FGF12: variants seen among roughly 807,000 people sequenced by gnomAD.
FGF12 encodes fibroblast growth factor 12B.
Under a neutral mutation model 23.6 loss-of-function variants are expected in FGF12, and 14 were observed. That is an observed-to-expected ratio of 0.59 (90% CI 0.39 to 0.93). FGF12 has a LOEUF of 0.93. FGF12 is among the 40% of genes least tolerant of loss of function. FGF12 has a pLI of 0.00. For synonymous variants in FGF12, 62 were observed against 77.3 expected, an observed-to-expected ratio of 0.80 and a Z score of 1.04; for missense variants, 175 against 217.8, an observed-to-expected ratio of 0.80 and a Z score of 1.24.
intron 2 of FGF12, among the ~76,000 whole-genome samples, chr3:192,454,888 C>T (rs910356092): frequency 6.6e-6 from 1 of 152,168 alleles, no homozygotes; most frequent in African/African-American, 2.4e-5. Context: ...ACGGACATTA[C>T]AAGGCTCAAC....
At chr3:192,482,355 C>T (rs925047489) in intron 2 of FGF12, among the ~76,000 whole-genome samples, 8 of 152,010 alleles carry the variant, frequency 5.3e-5, no homozygotes, top group South Asian at 2.1e-4. Context: ...CAGTATGAGC[C>T]GGACGTGGTG....
intron 2 of FGF12, among the ~76,000 whole-genome samples, chr3:192,402,309 C>T (rs1434006918): frequency 6.6e-6 from 1 of 152,218 alleles, no homozygotes; most frequent in Non-Finnish European, 1.5e-5. Flanking sequence ...AGGCTCCCGG[C>T]ATTCAGGCAG....
At chr3:192,507,048 C>T (rs949857179) in intron 2 of FGF12, among the ~76,000 whole-genome samples, 2 of 151,882 alleles carry the variant, frequency 1.3e-5, no homozygotes, top group African/African-American at 4.8e-5. Flanking sequence ...CCTGCCACCA[C>T]GCCCGGCTAA....
chr3:192,209,502 G>T (rs1717822740), intron 4 of FGF12, among the ~76,000 whole-genome samples: 1 of 152,092 alleles, frequency 6.6e-6, no homozygotes, highest in Non-Finnish European at 1.5e-5. Context: ...GCTGACACAG[G>T]TTATATCAAA....
chr3:192,569,915 A>T (rs1712515205), intron 2 of FGF12, among the ~76,000 whole-genome samples: 1 of 152,230 alleles, frequency 6.6e-6, no homozygotes, highest in South Asian at 2.1e-4. Context: ...GAAGAACAGG[A>T]CTAAGGATGT....
At chr3:192,544,321 T>C (rs762226200) in intron 2 of FGF12, among the ~76,000 whole-genome samples, 1 of 152,166 alleles carries the variant, frequency 6.6e-6, no homozygotes, top group African/African-American at 2.4e-5. Flanking sequence ...CTTTAAGCAA[T>C]ATGAAGTTAA....
intron 4 of FGF12, among the ~76,000 whole-genome samples, chr3:192,221,504 G>A (rs1363867511): frequency 2.0e-5 from 3 of 152,136 alleles, no homozygotes; most frequent in African/African-American, 7.2e-5. Context: ...ACTAAGGTAC[G>A]TTAATAAACA....
At chr3:192,256,628 C>T (rs768774119) in intron 4 of FGF12, among the ~76,000 whole-genome samples, 11 of 152,064 alleles carry the variant, frequency 7.2e-5, no homozygotes, top group Non-Finnish European at 7.4e-5. Flanking sequence ...TTCTCTTGCT[C>T]CCTTAAAAAT....
intron 4 of FGF12, among the ~76,000 whole-genome samples, chr3:192,197,178 A>AAATC (rs1717111307): frequency 6.6e-6 from 1 of 152,168 alleles, no homozygotes; most frequent in Non-Finnish European, 1.5e-5. Flanking sequence ...TCTTTCTGGA[A>AAATC]AATCCTAGTA....
chr3:192,226,728 T>A (rs1718754323), intron 4 of FGF12, among the ~76,000 whole-genome samples: 1 of 152,074 alleles, frequency 6.6e-6, no homozygotes, highest in African/African-American at 2.4e-5. Context: ...ACATGGTGAA[T>A]ATACTTAACT....
intron 2 of FGF12, among the ~76,000 whole-genome samples, chr3:192,576,963 T>A (rs750856075): frequency 3.3e-5 from 5 of 151,772 alleles, no homozygotes; most frequent in South Asian, 2.1e-4. Flanking sequence ...AAGAACAGAG[T>A]ACCAAACACT....
At chr3:192,549,100 C>T (rs1725567156) in intron 2 of FGF12, among the ~76,000 whole-genome samples, 1 of 152,132 alleles carries the variant, frequency 6.6e-6, no homozygotes, top group African/African-American at 2.4e-5. Context: ...AACTGTTGCT[C>T]AGGCTAAGAA....
chr3:192,603,490 C>A (rs1198163815), intron 2 of FGF12, among the ~76,000 whole-genome samples: 1 of 151,840 alleles, frequency 6.6e-6, no homozygotes, highest in Non-Finnish European at 1.5e-5. Context: ...AACCTGCCCC[C>A]AATATTTCAA....
At chr3:192,719,334 G>T (rs1247125637) in intron 2 of FGF12, among the ~76,000 whole-genome samples, 1 of 152,148 alleles carries the variant, frequency 6.6e-6, no homozygotes. Flanking sequence ...GACTGGCACT[G>T]ATTGGTCTGT....
chr3:192,565,349 A>G (rs939923288), intron 2 of FGF12, among the ~76,000 whole-genome samples: 79 of 152,352 alleles, frequency 5.2e-4, no homozygotes, highest in African/African-American at 1.8e-3. Context: ...AGCAAATATT[A>G]GTTGAACACT....
chr3:192,240,213 T>C (rs1217839902), intron 4 of FGF12, among the ~76,000 whole-genome samples: 1 of 152,190 alleles, frequency 6.6e-6, no homozygotes, highest in Non-Finnish European at 1.5e-5. Context: ...CACCACACGA[T>C]GACTGATAGA....
chr3:192,459,214 A>T (rs1301707998), intron 2 of FGF12, among the ~76,000 whole-genome samples: 1 of 152,226 alleles, frequency 6.6e-6, no homozygotes, highest in Non-Finnish European at 1.5e-5. Context: ...TTCCATAGCA[A>T]TTCAGAATTA....
At chr3:192,415,808 A>G (rs1721336010) in intron 2 of FGF12, among the ~76,000 whole-genome samples, 1 of 151,710 alleles carries the variant, frequency 6.6e-6, no homozygotes, top group Non-Finnish European at 1.5e-5. Context: ...GAATATAATA[A>G]GGCAAACAGA....
intron 4 of FGF12, among the ~76,000 whole-genome samples, chr3:192,314,238 G>T (rs1312696466): frequency 1.3e-5 from 2 of 151,554 alleles, no homozygotes; most frequent in Admixed American, 1.3e-4. Flanking sequence ...AGGCAACTCT[G>T]GTTTGATACA....
Sources: allele counts gnomAD v4.1 joint callset (sites outside exome capture counted in the v4.1 genomes callset), GRCh38; gene constraint gnomAD v4.1.1; transcripts MANE v1.5; gene names NCBI Gene and HGNC (gene_info 2026-07-23, HGNC 2026-07-21).